TNKS: variants seen among roughly 807,000 people sequenced by gnomAD.
TNKS encodes tankyrase, also known as poly [ADP-ribose] polymerase tankyrase-1.
In TNKS, 72 loss-of-function variants were observed where a neutral mutation model predicts 135.8. The observed-to-expected ratio is 0.53, with a 90% CI of 0.44 to 0.64. The LOEUF is 0.64. Among genes scored for constraint, TNKS ranks in the 30% least tolerant of loss-of-function variants. The pLI is 0.00. For synonymous variants in TNKS, 849 were observed against 649.3 expected (o/e 1.31, Z -4.68); for missense variants, 1,769 against 1,674.0 (o/e 1.06, Z -0.99).
chr8:9,652,621 A>G (rs764292680), intron 3 of TNKS, among the ~76,000 whole-genome samples: 1 of 152,152 alleles, frequency 6.6e-6, no homozygotes, highest in Non-Finnish European at 1.5e-5. Context: ...CTTTTCATCA[A>G]AATTTTTTTC....
At chr8:9,626,806 C>T (rs1297459904) in intron 3 of TNKS, among the ~76,000 whole-genome samples, 2 of 152,188 alleles carry the variant, frequency 1.3e-5, no homozygotes, top group Non-Finnish European at 2.9e-5. Flanking sequence ...CTTGGGAATG[C>T]TATAGTATTT....
chr8:9,608,410 G>GC (rs1211649227), intron 2 of TNKS, among the ~76,000 whole-genome samples: 2 of 152,082 alleles, frequency 1.3e-5, no homozygotes, highest in African/African-American at 4.8e-5. Context: ...ATGCTAAGGT[G>GC]CGTCAGGTGT....
At chr8:9,750,812 G>A (rs1230876694) in intron 18 of TNKS, among the ~76,000 whole-genome samples, 3 of 152,238 alleles carry the variant, frequency 2.0e-5, no homozygotes, top group Non-Finnish European at 4.4e-5. Context: ...TGGTTTTGCA[G>A]TTACCTGCAC....
rs542544618 is a variant in TNKS at position 9,619,924 on chromosome 8, C to A, written c.994+4247C>A. Reference sequence around the variant, plus strand: ...TTTGACTACTAGATTTTGCTGAAACCAAAATTTGGAACTCTTTCCTTATTT... The same window carrying A: ...TTTGACTACTAGATTTTGCTGAAACAAAAATTTGGAACTCTTTCCTTATTT... On this transcript the variant is annotated intron_variant, in intron 3 of 26. Coordinates refer to ENST00000310430, the MANE Select transcript of TNKS (RefSeq NM_003747.3). Among the ~76,000 whole-genome samples the A allele has an allele frequency of 7.3e-5, 11 of 151,696 alleles. No homozygotes were observed. The East Asian group carries it at 1.9e-3, about 27-fold the overall frequency.
chr8:9,761,466 C>G (rs759504747), intron 20 of TNKS, 50 bp from the exon 21 acceptor site: 1 of 1,589,950 alleles, frequency 6.3e-7, no homozygotes, highest in Non-Finnish European at 8.5e-7. Context: ...AGCTTTTGTC[C>G]TCTTAAGAAC....
rs924735921 is a variant in TNKS at position 9,615,516 on chromosome 8, G to A, written c.899-66G>A. 18 of 1,336,574 alleles carry A rather than the reference G, an allele frequency of 1.3e-5. No individual in the cohort carries two copies. In the African/African-American group the frequency reaches 2.1e-4, roughly 15 times the overall value. The allele number at this position is 1,336,574 out of a possible 1,614,324, so 82.8% of individuals were successfully genotyped here. A position where few individuals can be genotyped will look rare whatever the true frequency, so the allele number is the denominator to read the frequency against. On this transcript the variant is annotated intron_variant, in intron 2 of 26. Coordinates refer to ENST00000310430, the MANE Select transcript of TNKS (RefSeq NM_003747.3). ...GTTTATGCCTACACCATGCCGAGACGACACTTACCAGTAAATAATCTCTGT... is the reference window on the plus strand; with the variant it reads ...GTTTATGCCTACACCATGCCGAGACAACACTTACCAGTAAATAATCTCTGT...
intron 5 of TNKS, among the ~76,000 whole-genome samples, chr8:9,690,942 C>G (rs186974602): frequency 7.2e-5 from 11 of 152,288 alleles, no homozygotes; most frequent in African/African-American, 2.6e-4. Flanking sequence ...GCAACTAGTT[C>G]AACCTCCCAA....
chr8:9,581,105 T>G (rs1798147451), intron 2 of TNKS, among the ~76,000 whole-genome samples: 2 of 152,174 alleles, frequency 1.3e-5, no homozygotes, highest in African/African-American at 4.8e-5. Flanking sequence ...GCAGGTTGAT[T>G]TACGTAATTG....
intron 5 of TNKS, among the ~76,000 whole-genome samples, chr8:9,688,611 G>A (rs1042676590): frequency 6.6e-6 from 1 of 152,028 alleles, no homozygotes; most frequent in African/African-American, 2.4e-5. Flanking sequence ...CAGATGGTCT[G>A]TTTCTGGTGA....
Position 9,734,924 on chromosome 8 carries a change from G to C in TNKS, c.2373G>C (p.Lys791Asn). 6.2e-7 allele frequency: 1 copy of C among 1,614,164 alleles called. No homozygotes were observed. The highest frequency in any genetic ancestry group is 8.5e-7 in the Non-Finnish European group (1 of 1,180,016). The change falls in exon 16 of 27, where the codon AAG (lysine) becomes AAC (asparagine). Residue 791 changes from lysine (K) to asparagine (N), a missense_variant. Physicochemically the swap from Lys to Asn is moderately conservative, Grantham distance 94. Transcript: ENST00000310430. Reference protein sequence around the residue: ...RDGNTPLDLVKEGDTDIQDLL... With the variant: ...RDGNTPLDLVNEGDTDIQDLL... ...GAAATACACCTTTGGATTTGGTAAA[G>C]GAAGGAGACACAGATATTCAGGACT...
chr8:9,569,615 T>C (rs1395351092), intron 1 of TNKS, among the ~76,000 whole-genome samples: 2 of 152,242 alleles, frequency 1.3e-5, no homozygotes, highest in African/African-American at 4.8e-5. Flanking sequence ...GTGTGTTCTA[T>C]TATGAATAGT....
chr8:9,556,712 G>T (rs777382109), intron 1 of TNKS, 100 bp downstream of exon 1: 24 of 1,391,318 alleles, frequency 1.7e-5, no homozygotes, highest in Non-Finnish European at 2.1e-5. Context: ...AAGTGGGGGC[G>T]TGGTTATGGT....
intron 20 of TNKS, among the ~76,000 whole-genome samples, chr8:9,760,981 C>T (rs1010483154): frequency 6.6e-6 from 1 of 152,206 alleles, no homozygotes; most frequent in Non-Finnish European, 1.5e-5. Flanking sequence ...CTTGAGATGT[C>T]AATCTCACTG....
chr8:9,677,502 G>C (rs895944699), intron 3 of TNKS, among the ~76,000 whole-genome samples: 2 of 152,016 alleles, frequency 1.3e-5, no homozygotes, highest in Non-Finnish European at 2.9e-5. Context: ...AATTTCAATA[G>C]TAGCTACTTT....
chr8:9,661,510 C>G (rs1200388251), intron 3 of TNKS, among the ~76,000 whole-genome samples: 5 of 151,950 alleles, frequency 3.3e-5, no homozygotes, highest in Non-Finnish European at 5.9e-5. Context: ...ATAAATGGTG[C>G]TGGGAAAACT....
At chr8:9,689,707 T>C (rs774931155) in intron 5 of TNKS, among the ~76,000 whole-genome samples, 2 of 152,176 alleles carry the variant, frequency 1.3e-5, no homozygotes, top group Non-Finnish European at 2.9e-5. Flanking sequence ...CAACAAAGAC[T>C]TTATCACTTA....
intron 5 of TNKS, among the ~76,000 whole-genome samples, chr8:9,682,162 T>C (rs1349145295): frequency 6.6e-6 from 1 of 152,150 alleles, no homozygotes; most frequent in African/African-American, 2.4e-5. Flanking sequence ...AAGTGATTTC[T>C]ATCACTGTGT....
intron 20 of TNKS, among the ~76,000 whole-genome samples, chr8:9,755,651 G>T (rs1267612522): frequency 6.6e-6 from 1 of 152,128 alleles, no homozygotes; most frequent in Non-Finnish European, 1.5e-5. Context: ...CAATGTATTT[G>T]TATAGTCGGG....
At chr8:9,572,658 T>G (rs1337673760) in intron 1 of TNKS, among the ~76,000 whole-genome samples, 1 of 152,200 alleles carries the variant, frequency 6.6e-6, no homozygotes, top group Non-Finnish European at 1.5e-5. Context: ...CGAGTAGAAT[T>G]AGAAAGTCAT....
Sources: gnomAD v4.1 joint callset for allele counts (sites outside exome capture counted in the v4.1 genomes callset) on GRCh38, gnomAD v4.1.1 for gene constraint, MANE v1.5 for transcripts, NCBI Gene and HGNC (gene_info 2026-07-23, HGNC 2026-07-21) for gene names.